Variants in KCNIP1 observed in about 807,000 individuals in gnomAD.
The protein encoded by KCNIP1 is potassium voltage-gated channel interacting protein 1.
In KCNIP1, 18 loss-of-function variants were observed where a neutral mutation model predicts 33.0. The observed-to-expected ratio is 0.55, with a 90% confidence interval of 0.38 to 0.81. The LOEUF is 0.81. Among genes scored for constraint, KCNIP1 ranks in the 30% least tolerant of loss-of-function variants. The probability of loss-of-function intolerance (pLI) is 0.00; values close to 1 mark genes in which losing one functional copy is unlikely to be tolerated. For missense variants in KCNIP1, 238 were observed against 271.6 expected (o/e 0.88, Z 0.87); for synonymous variants, 93 against 98.3 (o/e 0.95, Z 0.32).
intron 1 of KCNIP1, among the ~76,000 whole-genome samples, chr5:170,354,299 T>A (rs193210286): frequency 1.4e-4 from 21 of 152,260 alleles, no homozygotes; most frequent in Admixed American, 1.0e-3. Flanking sequence ...AAGTTATCCA[T>A]GGAAGGTTGT....
At chr5:170,595,503 G>A (rs1400081316) in intron 1 of KCNIP1, among the ~76,000 whole-genome samples, 2 of 152,204 alleles carry the variant, frequency 1.3e-5, no homozygotes, top group East Asian at 1.9e-4. Context: ...GGAAGGAAGG[G>A]CTCCCTGCAG....
At chr5:170,384,669 G>A (rs1764392258) in intron 1 of KCNIP1, among the ~76,000 whole-genome samples, 1 of 152,234 alleles carries the variant, frequency 6.6e-6, no homozygotes, top group Admixed American at 6.5e-5. Context: ...CCTAAGGACA[G>A]GCTGGGGGAA....
chr5:170,647,381 A>G (rs1760827808), intron 1 of KCNIP1, among the ~76,000 whole-genome samples: 1 of 152,186 alleles, frequency 6.6e-6, no homozygotes, highest in Non-Finnish European at 1.5e-5. Flanking sequence ...GACTAACTCT[A>G]AAGCCATGAT....
chr5:170,683,076 A>C (rs1762414730), intron 1 of KCNIP1, among the ~76,000 whole-genome samples: 1 of 152,194 alleles, frequency 6.6e-6, no homozygotes, highest in Non-Finnish European at 1.5e-5. Context: ...GATATCAATC[A>C]TTCATCTAAT....
intron 1 of KCNIP1, among the ~76,000 whole-genome samples, chr5:170,519,576 G>A (rs1363878399): frequency 4.6e-5 from 7 of 152,160 alleles, no homozygotes; most frequent in Non-Finnish European, 1.0e-4. Context: ...GGAAAATAAA[G>A]TGTAAATGGA....
intron 1 of KCNIP1, among the ~76,000 whole-genome samples, chr5:170,493,439 G>A (rs1030259755): frequency 6.6e-6 from 1 of 152,186 alleles, no homozygotes; most frequent in Admixed American, 6.5e-5. Flanking sequence ...AGATCTTTAG[G>A]AAGATCCCAT....
At chr5:170,439,649 G>A (rs1400122586) in intron 1 of KCNIP1, among the ~76,000 whole-genome samples, 1 of 152,228 alleles carries the variant, frequency 6.6e-6, no homozygotes, top group Non-Finnish European at 1.5e-5. Context: ...TGTGAGGGGC[G>A]CGCTAGCCTG....
At chr5:170,558,609 A>G in intron 1 of KCNIP1, among the ~76,000 whole-genome samples, 1 of 152,224 alleles carries the variant, frequency 6.6e-6, no homozygotes, top group East Asian at 1.9e-4. Context: ...GCAGCTGTGC[A>G]GCCCCTGGGA....
At chr5:170,404,062 A>G (rs919693545) in intron 1 of KCNIP1, among the ~76,000 whole-genome samples, 1 of 152,140 alleles carries the variant, frequency 6.6e-6, no homozygotes, top group Admixed American at 6.5e-5. Context: ...CTCCTCCTGC[A>G]TCTCTTGTGG....
intron 1 of KCNIP1, among the ~76,000 whole-genome samples, chr5:170,382,459 C>T (rs1485759132): frequency 6.6e-6 from 1 of 152,044 alleles, no homozygotes; most frequent in African/African-American, 2.4e-5. Context: ...CTTAGTCTGC[C>T]CTGACAGCCT....
chr5:170,495,765 G>C (rs1192896744), intron 1 of KCNIP1, among the ~76,000 whole-genome samples: 1 of 152,196 alleles, frequency 6.6e-6, no homozygotes, highest in Non-Finnish European at 1.5e-5. Flanking sequence ...CAGGTTGTGT[G>C]GTCACAGGAA....
chr5:170,638,154 C>A (rs1043314896), intron 1 of KCNIP1, among the ~76,000 whole-genome samples: 1 of 152,284 alleles, frequency 6.6e-6, no homozygotes, highest in Middle Eastern at 3.4e-3. Context: ...AGAAGGACAA[C>A]CCCACCTCTG....
At chr5:170,445,598 C>T (rs1394387520) in intron 1 of KCNIP1, among the ~76,000 whole-genome samples, 1 of 152,222 alleles carries the variant, frequency 6.6e-6, no homozygotes, top group Non-Finnish European at 1.5e-5. Flanking sequence ...CTGAAGACCA[C>T]ATGGCTAGTA....
At chr5:170,561,195 G>A in intron 1 of KCNIP1, 1 of 445,916 alleles carries the variant, frequency 2.2e-6, no homozygotes, top group Non-Finnish European at 4.5e-6. Flanking sequence ...ATTTAATGTG[G>A]CGCACTGACA....
intron 1 of KCNIP1, among the ~76,000 whole-genome samples, chr5:170,574,383 A>G (rs1242694722): frequency 1.3e-5 from 2 of 152,254 alleles, no homozygotes; most frequent in Non-Finnish European, 2.9e-5. Context: ...AAGATTAAGC[A>G]AAACAAGTCA....
chr5:170,373,053 A>G (rs1277055987), intron 1 of KCNIP1, among the ~76,000 whole-genome samples: 1 of 152,184 alleles, frequency 6.6e-6, no homozygotes, highest in Non-Finnish European at 1.5e-5. Context: ...TTGCTTCCAT[A>G]TACCTCCCTT....
chr5:170,567,488 A>G (rs1180256585), intron 1 of KCNIP1, among the ~76,000 whole-genome samples: 2 of 152,210 alleles, frequency 1.3e-5, no homozygotes, highest in African/African-American at 4.8e-5. Context: ...GGAGATGAGG[A>G]TCATAGAGGA....
intron 1 of KCNIP1, among the ~76,000 whole-genome samples, chr5:170,517,281 C>G (rs1755159273): frequency 6.6e-6 from 1 of 152,174 alleles, no homozygotes; most frequent in Non-Finnish European, 1.5e-5. Flanking sequence ...TTCATGAGAA[C>G]TCCCTCACTA....
At position 170,720,312 on chromosome 5, in the gene KCNIP1, T is replaced by C; in HGVS notation, c.187-9T>C. Reference sequence around the variant, plus strand: ...AATGCCTCCCGCTGACTCTCTCCCCTTCCCACAGGAGTGCCCCAGTGGTGT... The same window carrying C: ...AATGCCTCCCGCTGACTCTCTCCCCCTCCCACAGGAGTGCCCCAGTGGTGT... On this transcript the variant is annotated splice_polypyrimidine_tract_variant and intron_variant, in intron 2 of 7. Coordinates refer to ENST00000328939, the MANE Select transcript of KCNIP1 (RefSeq NM_014592.4). The C allele has an allele frequency of 1.9e-6, 3 of 1,610,956 alleles. No individual in the cohort carries two copies. The highest frequency in any genetic ancestry group is 2.5e-6 in the Non-Finnish European group (3 of 1,177,164).
Sources: gnomAD v4.1 joint callset for allele counts (sites outside exome capture counted in the v4.1 genomes callset) on GRCh38, gnomAD v4.1.1 for gene constraint, MANE v1.5 for transcripts, NCBI Gene and HGNC (gene_info 2026-07-23, HGNC 2026-07-21) for gene names.